MARCHF4: variants seen among roughly 807,000 people sequenced by gnomAD.
MARCHF4 encodes E3 ubiquitin-protein ligase MARCHF4.
A neutral mutation model predicts 43.9 loss-of-function variants in MARCHF4; 14 were observed. The ratio of observed to expected loss-of-function variants is 0.32; its 90% confidence interval spans 0.21 to 0.50. The LOEUF (loss-of-function observed/expected upper bound fraction) is 0.50. Among genes scored for constraint, MARCHF4 ranks in the 20% least tolerant of loss-of-function variants. The pLI is 0.98. For synonymous variants in MARCHF4, 226 were observed against 213.3 expected, an observed-to-expected ratio of 1.06 and a Z score of -0.52; for missense variants, 468 against 536.7, an observed-to-expected ratio of 0.87 and a Z score of 1.27.
At chr2:216,326,263 A>G (rs1691989556) in intron 1 of MARCHF4, among the ~76,000 whole-genome samples, 2 of 152,062 alleles carry the variant, frequency 1.3e-5, no homozygotes, top group African/African-American at 2.4e-5. Context: ...ACAATGAGAT[A>G]CCATCTCACA....
At chr2:216,268,028 C>T (rs1412686719) in intron 3 of MARCHF4, among the ~76,000 whole-genome samples, 2 of 152,202 alleles carry the variant, frequency 1.3e-5, no homozygotes, top group African/African-American at 4.8e-5. Context: ...AGATAAGCTA[C>T]ATGCAAGTAA....
In MARCHF4 at chr2:216,317,741, TAC is replaced by T. The variant is rs1329377170; in HGVS notation, c.517-34014_517-34013del. Among the ~76,000 whole-genome samples, 5 of 152,312 alleles carry T rather than the reference TAC, an allele frequency of 3.3e-5. 1 individual carries two copies. The South Asian group carries it at 1.0e-3, about 32-fold the overall frequency. The stretch of plus-strand genomic sequence containing the variant: ...TAATCCTTTTAAAGCAAGCTTTTTT[TAC>T]ACCTCTCTATAAGCGGGTAAAGTAG... On this transcript the variant is annotated intron_variant, in intron 1 of 3. Coordinates refer to ENST00000273067, the MANE Select transcript of MARCHF4 (RefSeq NM_020814.3).
At position 216,259,248 on chromosome 2, in the gene MARCHF4, G is replaced by T; in HGVS notation, c.*64C>A. ...CTCTGTTGGCTCTGGGGGTGCCACT[G>T]CACCTCCCCACCCTGCTCCGGGCCC... On this transcript the variant is annotated 3_prime_UTR_variant, in exon 4 of 4. Coordinates refer to ENST00000273067, the MANE Select transcript of MARCHF4 (RefSeq NM_020814.3). The T allele has an allele frequency of 6.7e-7, 1 of 1,495,516 alleles. No homozygotes were observed. The highest frequency in any genetic ancestry group is 8.9e-7 in the Non-Finnish European group (1 of 1,125,012). 92.6% of individuals were successfully genotyped at this position (1,495,516 alleles called of 1,614,324 possible).
intron 2 of MARCHF4, among the ~76,000 whole-genome samples, chr2:216,283,147 TTCTG>T (rs1389621102): frequency 6.6e-6 from 1 of 152,162 alleles, no homozygotes; most frequent in Non-Finnish European, 1.5e-5. Context: ...CCCTCCCACC[TTCTG>T]TCTTTTTGTT....
At chr2:216,265,461 T>C (rs1690830585) in intron 3 of MARCHF4, 1 of 152,060 alleles carries the variant, frequency 6.6e-6, no homozygotes, top group Non-Finnish European at 1.5e-5. Flanking sequence ...CTGGGTTAAG[T>C]GATATAAAAG....
chr2:216,362,743 C>T (rs569313700), intron 1 of MARCHF4, among the ~76,000 whole-genome samples: 2 of 152,300 alleles, frequency 1.3e-5, no homozygotes, highest in South Asian at 4.1e-4. Flanking sequence ...CTCAATTGTG[C>T]TATTTCGTCA....
Position 216,371,881 on chromosome 2 carries a change from C to G in MARCHF4, c.-1621G>C, listed in dbSNP as rs796573348. The G allele has an allele frequency of 5.3e-5, 8 of 152,304 alleles. No individual in the cohort carries two copies. The East Asian group carries it at 9.7e-4, about 18-fold the overall frequency. 9.4% of individuals were successfully genotyped at this position (152,304 alleles called of 1,614,324 possible). A position where few individuals can be genotyped will look rare whatever the true frequency, so the allele number is the denominator to read the frequency against. On this transcript the variant is annotated 5_prime_UTR_variant, in exon 1 of 4. Transcript: ENST00000273067. ...CGGCCTCGGCCCGCTCTCTGCCCCCCCACCCCGCCCCTTCCTCCTCTCCAC... is the reference window on the plus strand; with the variant it reads ...CGGCCTCGGCCCGCTCTCTGCCCCCGCACCCCGCCCCTTCCTCCTCTCCAC...
At chr2:216,337,995 G>A (rs1692183296) in intron 1 of MARCHF4, among the ~76,000 whole-genome samples, 1 of 152,196 alleles carries the variant, frequency 6.6e-6, no homozygotes, top group Non-Finnish European at 1.5e-5. Context: ...ATAAAAGTAT[G>A]AGCAAAGTGG....
At chr2:216,269,089 G>A (rs1233445043) in intron 3 of MARCHF4, among the ~76,000 whole-genome samples, 1 of 152,034 alleles carries the variant, frequency 6.6e-6, no homozygotes, top group African/African-American at 2.4e-5. Context: ...CTGTTTTAAA[G>A]CTTTGGAAAT....
At chr2:216,343,114 G>T (rs191733826) in intron 1 of MARCHF4, among the ~76,000 whole-genome samples, 1 of 152,336 alleles carries the variant, frequency 6.6e-6, no homozygotes, top group Non-Finnish European at 1.5e-5. Flanking sequence ...GATTCTTAAA[G>T]GACAAGGACC....
intron 1 of MARCHF4, among the ~76,000 whole-genome samples, chr2:216,304,014 AG>A (rs1252830527): frequency 1.3e-5 from 2 of 152,190 alleles, no homozygotes. Flanking sequence ...ACCCTGAAAC[AG>A]GGAACTTGGA....
chr2:216,310,714 T>C (rs573092249), intron 1 of MARCHF4, among the ~76,000 whole-genome samples: 5 of 152,336 alleles, frequency 3.3e-5, no homozygotes, highest in Non-Finnish European at 7.3e-5. Flanking sequence ...GGTCCTGCCA[T>C]GTATTCCAGC....
In MARCHF4 at chr2:216,266,732, C is replaced by T. The variant is rs1388350940; in HGVS notation, c.866-7053G>A. 5.3e-5 allele frequency among the ~76,000 whole-genome samples: 8 copies of T among 152,128 alleles called. 1 individual carries two copies. Among genetic ancestry groups the T allele is most frequent in the Non-Finnish European group, 1.2e-4 (8 of 68,030 alleles). On this transcript the variant is annotated intron_variant, in intron 3 of 3. Transcript: ENST00000273067. ...CTCCAGTGCCCAGCCCTGTTAAGAA[C>T]CTGGACCAAAGCACATATCAGGGAA... is the stretch of plus-strand genomic sequence containing the variant.
chr2:216,328,631 G>A (rs1692034435), intron 1 of MARCHF4, among the ~76,000 whole-genome samples: 1 of 152,054 alleles, frequency 6.6e-6, no homozygotes, highest in Non-Finnish European at 1.5e-5. Flanking sequence ...GGAAAATGCA[G>A]GAAAAAATGA....
chr2:216,354,913 TTC>T (rs1491353422), intron 1 of MARCHF4, among the ~76,000 whole-genome samples: 3 of 96,818 alleles, frequency 3.1e-5, no homozygotes, highest in African/African-American at 1.3e-4. Flanking sequence ...CTTTCTTTCT[TTC>T]TTTCTTTCTT....
At chr2:216,310,286 G>A (rs1691663533) in intron 1 of MARCHF4, among the ~76,000 whole-genome samples, 1 of 151,958 alleles carries the variant, frequency 6.6e-6, no homozygotes. Flanking sequence ...TTTTGAGGTA[G>A]GGTCTCACTC....
rs892750852 is a variant in MARCHF4 at position 216,266,064 on chromosome 2, A to G, written c.866-6385T>C. 3.3e-5 allele frequency: 5 copies of G among 152,342 alleles called. No individual in the cohort carries two copies. In the East Asian group the frequency reaches 9.6e-4, roughly 29 times the overall value. 9.4% of individuals were successfully genotyped at this position (152,342 alleles called of 1,614,324 possible). A position where few individuals can be genotyped will look rare whatever the true frequency, so the allele number is the denominator to read the frequency against. On this transcript the variant is annotated intron_variant, in intron 3 of 3. Transcript: ENST00000273067. ...AGTAATCTACTTCCAGATGTCATAG[A>G]CATGGAAATGGGAAGAAACGGAAGA...
At chr2:216,348,091 G>A (rs1231649843) in intron 1 of MARCHF4, among the ~76,000 whole-genome samples, 1 of 145,130 alleles carries the variant, frequency 6.9e-6, no homozygotes, top group Non-Finnish European at 1.5e-5. Context: ...AGGCTGGAGT[G>A]CAATGGCGTG....
intron 1 of MARCHF4, among the ~76,000 whole-genome samples, chr2:216,326,511 C>T (rs1204099439): frequency 7.3e-5 from 11 of 151,330 alleles, no homozygotes; most frequent in South Asian, 2.1e-4. Flanking sequence ...CACATGCACA[C>T]GTATGTTTAT....
Sources: gnomAD v4.1 joint callset for allele counts (sites outside exome capture counted in the v4.1 genomes callset) on GRCh38, gnomAD v4.1.1 for gene constraint, MANE v1.5 for transcripts, NCBI Gene and HGNC (gene_info 2026-07-23, HGNC 2026-07-21) for gene names.